Variants in EPHA3 observed in about 807,000 individuals in gnomAD.
EPHA3 encodes the protein EPH receptor A3.
EPHA3 carries 42 observed loss-of-function variants against 107.1 expected under a neutral mutation model. The ratio of observed to expected loss-of-function variants is 0.39; its 90% CI spans 0.31 to 0.51. EPHA3 has a LOEUF of 0.51. EPHA3 is among the 20% of genes least tolerant of loss of function. The probability of loss-of-function intolerance (pLI) is 0.78; values close to 1 mark genes in which losing one functional copy is unlikely to be tolerated. For missense variants in EPHA3, 1,183 were observed against 1,211.2 expected, an observed-to-expected ratio of 0.98 and a Z score of 0.35; for synonymous variants, 461 against 424.8, an observed-to-expected ratio of 1.09 and a Z score of -1.05.
Position 89,432,500 on chromosome 3 carries a change from G to A in EPHA3, c.2346+1141G>A, listed in dbSNP as rs576126096. On this transcript the variant is annotated intron_variant, in intron 13 of 16. Transcript: ENST00000336596. Reference sequence around the variant, plus strand: ...TCCTGGCCTCAAGTGATTCTCCCGGGCTCAAGTGATCCTCCCTCCTCAGCC... The same window carrying A: ...TCCTGGCCTCAAGTGATTCTCCCGGACTCAAGTGATCCTCCCTCCTCAGCC... Among the ~76,000 whole-genome samples, 4 of 152,092 alleles carry A rather than the reference G, an allele frequency of 2.6e-5. No homozygotes were observed. In the South Asian group the frequency reaches 8.3e-4, roughly 32 times the overall value.
chr3:89,284,391 A>C (rs1447316707), intron 3 of EPHA3, among the ~76,000 whole-genome samples: 13 of 152,106 alleles, frequency 8.5e-5, no homozygotes. Flanking sequence ...GAAATATCTA[A>C]CTTTTTTACA....
intron 3 of EPHA3, among the ~76,000 whole-genome samples, chr3:89,323,754 C>T (rs573185321): frequency 1.6e-4 from 25 of 152,008 alleles, no homozygotes; most frequent in Admixed American, 9.2e-4. Flanking sequence ...ATTTTTCTTA[C>T]GTATCAGTAA....
At chr3:89,391,242 C>A (rs572578199) in intron 5 of EPHA3, among the ~76,000 whole-genome samples, 30 of 152,162 alleles carry the variant, frequency 2.0e-4, no homozygotes, top group African/African-American at 7.0e-4. Context: ...TTAAGAGTTT[C>A]TTTAGTACTG....
chr3:89,439,714 C>T (rs1454473069), intron 13 of EPHA3, among the ~76,000 whole-genome samples: 1 of 148,498 alleles, frequency 6.7e-6, no homozygotes, highest in Non-Finnish European at 1.5e-5. Context: ...AAGCCAGACT[C>T]ATATTAAGGC....
chr3:89,199,593 T>C (rs540191008), intron 2 of EPHA3, among the ~76,000 whole-genome samples: 115 of 152,312 alleles, frequency 7.6e-4, no homozygotes, highest in Non-Finnish European at 1.5e-3. Context: ...CTTTTAATAA[T>C]TTTTGAATTT....
chr3:89,177,195 T>C (rs1705339828), intron 2 of EPHA3, among the ~76,000 whole-genome samples: 1 of 152,164 alleles, frequency 6.6e-6, no homozygotes, highest in Non-Finnish European at 1.5e-5. Context: ...TTCCACATCT[T>C]AACAAAAACT....
chr3:89,124,387 A>T (rs915432504), intron 1 of EPHA3, among the ~76,000 whole-genome samples: 2 of 152,148 alleles, frequency 1.3e-5, no homozygotes, highest in African/African-American at 4.8e-5. Flanking sequence ...AATGGATCAC[A>T]GGAGATTTGA....
At chr3:89,349,101 G>A (rs1707743603) in intron 5 of EPHA3, among the ~76,000 whole-genome samples, 1 of 35,752 alleles carries the variant, frequency 2.8e-5, no homozygotes, top group Non-Finnish European at 5.7e-5. Flanking sequence ...TGTTGATTTG[G>A]GGTGGAGAGT....
rs767014515 is a variant in EPHA3, at chr3:89,244,618, AAAG to A, written c.814+34102_814+34104del. On this transcript the variant is annotated intron_variant, in intron 3 of 16. Coordinates refer to ENST00000336596, the MANE Select transcript of EPHA3 (RefSeq NM_005233.6). ...TATTTTCATGAATATGAATATGAGA[AAAG>A]AAGTATTATAGAAAATACAAAGAAA... Among the ~76,000 whole-genome samples, 7 of 152,204 alleles carry A rather than the reference AAAG, an allele frequency of 4.6e-5. 1 individual carries two copies. Among genetic ancestry groups the A allele is most frequent in the Admixed American group, 1.3e-4 (2 of 15,274 alleles).
At chr3:89,135,214 C>A (rs999138342) in intron 2 of EPHA3, among the ~76,000 whole-genome samples, 3 of 152,144 alleles carry the variant, frequency 2.0e-5, no homozygotes, top group African/African-American at 7.2e-5. Flanking sequence ...CCTGCCCCAC[C>A]ACCTCCTAAA....
intron 1 of EPHA3, among the ~76,000 whole-genome samples, chr3:89,115,246 C>A (rs1212212657): frequency 2.0e-5 from 3 of 146,836 alleles, no homozygotes; most frequent in Non-Finnish European, 4.5e-5. Context: ...TGAAGAATAT[C>A]TTTTTTTTTT....
At chr3:89,453,936 T>A (rs1436420427) in intron 15 of EPHA3, among the ~76,000 whole-genome samples, 4 of 152,136 alleles carry the variant, frequency 2.6e-5, no homozygotes, top group Non-Finnish European at 4.4e-5. Context: ...CCTCTACTCT[T>A]CCTCTCTCCC....
chr3:89,340,924 C>G lies in EPHA3; in HGVS notation c.823C>G (p.Pro275Ala), dbSNP rs201468736. ...ERGFMCQACR[P>A]GFYKALDGNM... ...AGTCATTTTGTTTGTAGCTTGTCGA[C>G]CAGGTTTCTACAAGGCATTGGATGG... Residue 275 changes from proline (P) to alanine (A), a missense_variant, in exon 4 of 17, where the codon CCA (proline) becomes GCA (alanine). Pro to Ala is a conservative substitution (Grantham distance 27). Coordinates refer to ENST00000336596, the MANE Select transcript of EPHA3 (RefSeq NM_005233.6). 1.6e-5 allele frequency: 26 copies of G among 1,601,238 alleles called. No individual in the cohort carries two copies. The highest frequency in any genetic ancestry group is 2.0e-5 in the Non-Finnish European group (24 of 1,175,584).
At chr3:89,455,679 T>TCTCGTATG (rs1265663188) in intron 15 of EPHA3, among the ~76,000 whole-genome samples, 1 of 152,216 alleles carries the variant, frequency 6.6e-6, no homozygotes, top group African/African-American at 2.4e-5. Flanking sequence ...TGGCTACTTC[T>TCTCGTATG]AGTTCCTTCA....
intron 5 of EPHA3, among the ~76,000 whole-genome samples, chr3:89,361,742 GCTATCC>G (rs1708095691): frequency 6.6e-6 from 1 of 150,906 alleles, no homozygotes; most frequent in South Asian, 2.1e-4. Context: ...CCCATTCTCT[GCTATCC>G]CCTTAGCCTG....
At position 89,109,586 on chromosome 3, in the gene EPHA3, G is replaced by T. The variant is rs146404087; in HGVS notation, c.88+1750G>T. ...GTGGAAAACAACCTTTAAGTAAACT[G>T]CAAGAGAAAAAAAAAGACACCAAAC... is the stretch of plus-strand genomic sequence containing the variant. On this transcript the variant is annotated intron_variant, in intron 1 of 16. Transcript: ENST00000336596. Among the ~76,000 whole-genome samples, 535 of 151,510 alleles carry T rather than the reference G, an allele frequency of 3.5e-3. 4 individuals carry two copies. The highest frequency in any genetic ancestry group is 0.012 in the African/African-American group (507 of 41,348).
At chr3:89,395,059 C>A (rs891648176) in intron 5 of EPHA3, among the ~76,000 whole-genome samples, 3 of 152,128 alleles carry the variant, frequency 2.0e-5, no homozygotes, top group African/African-American at 7.2e-5. Context: ...GATATCTGAT[C>A]CAAACAGATG....
intron 1 of EPHA3, among the ~76,000 whole-genome samples, chr3:89,120,778 C>A (rs1245360248): frequency 6.6e-6 from 1 of 152,054 alleles, no homozygotes; most frequent in Non-Finnish European, 1.5e-5. Context: ...GCAATTTCTT[C>A]TATAAGATCT....
intron 2 of EPHA3, among the ~76,000 whole-genome samples, chr3:89,140,258 T>C (rs1273421846): frequency 6.6e-6 from 1 of 151,876 alleles, no homozygotes; most frequent in Non-Finnish European, 1.5e-5. Context: ...AAATATCACA[T>C]AGTTTCAATT....
Sources: allele counts gnomAD v4.1 joint callset (sites outside exome capture counted in the v4.1 genomes callset), GRCh38; gene constraint gnomAD v4.1.1; transcripts MANE v1.5; gene names NCBI Gene and HGNC (gene_info 2026-07-23, HGNC 2026-07-21).